Variants in NUP93 observed in about 807,000 individuals in gnomAD.
NUP93 encodes nucleoporin 93, also known as nuclear pore complex protein Nup93.
Under a neutral mutation model 107.8 loss-of-function variants are expected in NUP93, and 55 were observed. The observed-to-expected ratio is 0.51, with a 90% CI of 0.41 to 0.64. NUP93 has a LOEUF of 0.64. NUP93 is among the 30% of genes least tolerant of loss of function. The probability of loss-of-function intolerance (pLI) is 0.00; values close to 1 mark genes in which losing one functional copy is unlikely to be tolerated. For synonymous variants in NUP93, 390 were observed against 397.5 expected (o/e 0.98, Z 0.22); for missense variants, 937 against 1,044.7 (o/e 0.90, Z 1.42).
At chr16:56,794,584 T>TAGAGAGAG (rs10596725) in intron 3 of NUP93, among the ~76,000 whole-genome samples, 1 of 148,000 alleles carries the variant, frequency 6.8e-6, no homozygotes. Context: ...GTGTGTGTGA[T>TAGAGAGAG]AGAGAGAGAG....
rs1320549606 is a variant in NUP93 at position 56,748,310 on chromosome 16, G to A, written c.63G>A (p.Glu21=). 1 of 1,613,916 alleles carries A rather than the reference G, an allele frequency of 6.2e-7. No individual in the cohort carries two copies. Among genetic ancestry groups the A allele is most frequent in the East Asian group, 2.2e-5 (1 of 44,886 alleles). The part of the protein sequence containing the change: ...QQAEQLAAET[E]GISELPHVER... ...CTGAACAGCTTGCTGCTGAGACTGA[G>A]GGCATCTCAGAGCTTCCCCATGTGG... is the stretch of plus-strand genomic sequence containing the variant. The change falls in exon 2 of 22, where the codon GAG becomes GAA. Residue 21 remains glutamate (E), a synonymous_variant. Coordinates refer to ENST00000308159, the MANE Select transcript of NUP93 (RefSeq NM_014669.5).
intron 1 of NUP93, among the ~76,000 whole-genome samples, chr16:56,746,209 C>T (rs1417032673): frequency 6.6e-6 from 1 of 151,976 alleles, no homozygotes; most frequent in Admixed American, 6.5e-5. Context: ...TTTTCTTTTC[C>T]CTTTCTGGTG....
chr16:56,769,040 A>G (rs114811425), intron 3 of NUP93, among the ~76,000 whole-genome samples: 1 of 152,168 alleles, frequency 6.6e-6, no homozygotes, highest in Non-Finnish European at 1.5e-5. Flanking sequence ...CCCATGTCAC[A>G]GATGAGGAAG....
intron 21 of NUP93, among the ~76,000 whole-genome samples, 199 bp downstream of exon 21, chr16:56,842,032 T>C (rs1964036323): frequency 1.3e-5 from 2 of 152,138 alleles, no homozygotes; most frequent in Admixed American, 1.3e-4. Flanking sequence ...CTTAAAAAAA[T>C]AAAAAGATGT....
chr16:56,831,943 G>A lies in NUP93; in HGVS notation c.1187G>A (p.Arg396Lys). 6.2e-7 allele frequency: 1 copy of A among 1,614,164 alleles called. No individual in the cohort carries two copies. The highest frequency in any genetic ancestry group is 8.5e-7 in the Non-Finnish European group (1 of 1,180,028). ...YKRAVYCIIGRCDVTDNQSEV... is the reference protein window; with the variant it reads ...YKRAVYCIIGKCDVTDNQSEV... ...CGGGCCGTGTACTGTATCATTGGCAGATGTGACGTCACCGACAACCAGAGT... is the reference window on the plus strand; with the variant it reads ...CGGGCCGTGTACTGTATCATTGGCAAATGTGACGTCACCGACAACCAGAGT... The change falls in exon 11 of 22, where the codon AGA (arginine) becomes AAA (lysine). Residue 396 changes from arginine (R) to lysine (K), a missense_variant. Transcript: ENST00000308159.
chr16:56,844,188 G>T (rs1453757695), intron 21 of NUP93, among the ~76,000 whole-genome samples: 1 of 152,196 alleles, frequency 6.6e-6, no homozygotes, highest in African/African-American at 2.4e-5. Context: ...GAAGCTCAGG[G>T]CTGTGTCAAA....
At chr16:56,778,221 C>G (rs1433970161) in intron 3 of NUP93, among the ~76,000 whole-genome samples, 1 of 152,050 alleles carries the variant, frequency 6.6e-6, no homozygotes, top group Admixed American at 6.5e-5. Context: ...AGCAGATGGG[C>G]CTTGAAAAAT....
intron 12 of NUP93, 114 bp from the exon 13 acceptor site, chr16:56,833,097 GCTTT>G (rs1239849868): frequency 1.2e-6 from 1 of 816,274 alleles, no homozygotes; most frequent in African/African-American, 1.8e-5. Flanking sequence ...TCAATCTGGT[GCTTT>G]CTTCCTGTCC....
At position 56,826,861 on chromosome 16, in the gene NUP93, C is replaced by A. The variant is rs141360438; in HGVS notation, c.795-2116C>A. On this transcript the variant is annotated intron_variant, in intron 8 of 21. Coordinates refer to ENST00000308159, the MANE Select transcript of NUP93 (RefSeq NM_014669.5). ...AAGAGATTGAGACCATCCTGGCCAA[C>A]ATGGTGAAACCCCTTCTCTACTAAA... 1.4e-3 allele frequency among the ~76,000 whole-genome samples: 220 copies of A among 151,876 alleles called. 1 individual carries two copies. Among genetic ancestry groups the A allele is most frequent in the African/African-American group, 4.9e-3 (202 of 41,382 alleles).
intron 1 of NUP93, among the ~76,000 whole-genome samples, chr16:56,738,349 ATTAC>A (rs1377486107): frequency 6.6e-6 from 1 of 152,224 alleles, no homozygotes; most frequent in Non-Finnish European, 1.5e-5. Context: ...ATGCCAGGTT[ATTAC>A]TTCTCTTTGC....
chr16:56,841,940 A>G, intron 21 of NUP93, 107 bp downstream of exon 21: 1 of 1,322,966 alleles, frequency 7.6e-7, no homozygotes, highest in Non-Finnish European at 1.0e-6. Flanking sequence ...CTTTCTCCTC[A>G]GTACCTGGCA....
intron 20 of NUP93, among the ~76,000 whole-genome samples, chr16:56,841,363 C>G (rs929926502): frequency 2.7e-5 from 4 of 147,714 alleles, no homozygotes; most frequent in Non-Finnish European, 6.0e-5. Context: ...TCCTGACATT[C>G]AAGTTCAAAT....
rs186439426 is a variant in NUP93, at chr16:56,755,679, A to G, written c.180-2859A>G. The stretch of plus-strand genomic sequence containing the variant: ...TCATTTGAGCCTGGAGTTCAACCCC[A>G]GCTTGGCCAACATGGAGAAACCCTG... On this transcript the variant is annotated intron_variant, in intron 2 of 21. Transcript: ENST00000308159. Among the ~76,000 whole-genome samples the G allele has an allele frequency of 1.5e-3, 232 of 152,238 alleles. 2 individuals carry two copies. The highest frequency in any genetic ancestry group is 5.5e-3 in the African/African-American group (227 of 41,542).
At position 56,805,553 on chromosome 16, in the gene NUP93, G is replaced by A; in HGVS notation, c.410G>A (p.Trp137Ter). Residue 137 changes from tryptophan (W) to a stop codon, truncating the protein, a stop_gained, in exon 5 of 22, where the codon TGG becomes TAG. Coordinates refer to ENST00000308159, the MANE Select transcript of NUP93 (RefSeq NM_014669.5). LOFTEE classifies it high-confidence loss of function. ...CATCGGGAGTCAATGTTGGTTGAGT[G>A]GGAGCAAGTGAAACAGCGAATTCTG... ...EYHRESMLVEWEQVKQRILHT... is the reference protein window; with the variant it reads ...EYHRESMLVE 6.2e-7 allele frequency: 1 copy of A among 1,614,094 alleles called. No homozygotes were observed. The highest frequency in any genetic ancestry group is 8.5e-7 in the Non-Finnish European group (1 of 1,179,990).
intron 2 of NUP93, among the ~76,000 whole-genome samples, chr16:56,749,463 G>A (rs1961880052): frequency 6.6e-6 from 1 of 152,206 alleles, no homozygotes; most frequent in Non-Finnish European, 1.5e-5. Context: ...AAGGGCATGG[G>A]AGGATGGAGA....
chr16:56,821,622 A>C, intron 7 of NUP93, 29 bp downstream of exon 7: 2 of 1,512,998 alleles, frequency 1.3e-6, no homozygotes, highest in Non-Finnish European at 1.8e-6. Flanking sequence ...TCAAGTAGAA[A>C]CCGGGGTCCA....
rs766323239 is a variant in NUP93, at chr16:56,841,828, G to A, written c.2344G>A (p.Asp782Asn). The change falls in exon 21 of 22, where the codon GAC (aspartate) becomes AAC (asparagine). Residue 782 changes from aspartate to asparagine, a missense_variant. Coordinates refer to ENST00000308159, the MANE Select transcript of NUP93 (RefSeq NM_014669.5). ...SRPQRVIEDR[D>N]SQLRSQARTL... ...GCCCCAGCGAGTCATCGAGGACCGC[G>A]ACTCTGTAAGATCCCAGCATTCGCG... 9 of 1,613,712 alleles carry A rather than the reference G, an allele frequency of 5.6e-6. No individual in the cohort carries two copies. Among genetic ancestry groups the A allele is most frequent in the African/African-American group, 5.3e-5 (4 of 74,918 alleles).
At chr16:56,754,749 G>T (rs1241253832) in intron 2 of NUP93, among the ~76,000 whole-genome samples, 1 of 152,172 alleles carries the variant, frequency 6.6e-6, no homozygotes, top group African/African-American at 2.4e-5. Context: ...ACTAGGCAGT[G>T]CCCCAGTGGG....
At chr16:56,826,819 G>A (rs1031268354) in intron 8 of NUP93, among the ~76,000 whole-genome samples, 10 of 151,382 alleles carry the variant, frequency 6.6e-5, no homozygotes, top group African/African-American at 7.3e-5. Flanking sequence ...AGGCCGAGGC[G>A]GGCAGATCAC....
Sources: allele counts gnomAD v4.1 joint callset (sites outside exome capture counted in the v4.1 genomes callset), GRCh38; gene constraint gnomAD v4.1.1; transcripts MANE v1.5; gene names NCBI Gene and HGNC (gene_info 2026-07-23, HGNC 2026-07-21).